Variants in VSIG4 observed in about 807,000 individuals in gnomAD.
The protein encoded by VSIG4 is V-set and immunoglobulin domain containing 4, also known as V-set and immunoglobulin domain-containing protein 4.
In VSIG4, 34 loss-of-function variants were observed where a neutral mutation model predicts 23.4. The ratio of observed to expected loss-of-function variants is 1.45; its 90% CI spans 1.10 to 1.93. VSIG4 has a LOEUF of 1.93. Ranked by LOEUF, VSIG4 falls within the 30% of genes most tolerant of loss-of-function variation. The pLI, the probability that VSIG4 is intolerant of heterozygous loss-of-function variation, is 0.00. For synonymous variants in VSIG4, 169 were observed against 120.3 expected (o/e 1.41, Z -2.65); for missense variants, 433 against 310.8 (o/e 1.39, Z -2.96).
At chrX:66,034,121 A>G (rs2085503589) in intron 1 of VSIG4, among the ~76,000 whole-genome samples, 1 of 112,016 alleles carries the variant, frequency 8.9e-6, no homozygotes, top group Admixed American at 9.4e-5. Context: ...CTTACCGTGG[A>G]AGATTCATTT....
intron 4 of VSIG4, 49 bp from the exon 5 acceptor site, chrX:66,027,575 G>A: frequency 9.7e-7 from 1 of 1,034,050 alleles, no homozygotes; most frequent in Non-Finnish European, 1.3e-6. Context: ...CTTTCAAAAA[G>A]TTGAGAGATA....
intron 1 of VSIG4, among the ~76,000 whole-genome samples, chrX:66,038,467 GCT>G (rs747112398): frequency 8.3e-4 from 78 of 93,920 alleles, no homozygotes; most frequent in African/African-American, 1.3e-3. Context: ...ACACATGAGT[GCT>G]CTCTCTCTCT....
At position 66,021,823 on chromosome X, in the gene VSIG4, C is replaced by T. The variant is rs1379978993; in HGVS notation, c.*440G>A. The stretch of plus-strand genomic sequence containing the variant: ...GTGGAGGAGCAGAACTGAACCCTGG[C>T]CTGTGAAATAACAATTTCAATTAAA... On this transcript the variant is annotated 3_prime_UTR_variant, in exon 8 of 8. Coordinates refer to ENST00000374737, the MANE Select transcript of VSIG4 (RefSeq NM_007268.3). 1 of 265,817 alleles carries T rather than the reference C, an allele frequency of 3.8e-6. No individual in the cohort carries two copies. The highest frequency in any genetic ancestry group is 7.0e-6 in the Non-Finnish European group (1 of 143,119). 21.9% of individuals were successfully genotyped at this position (265,817 alleles called of 1,213,427 possible).
At chrX:66,026,373 C>G (rs1022429631) in intron 5 of VSIG4, among the ~76,000 whole-genome samples, 1 of 111,904 alleles carries the variant, frequency 8.9e-6, no homozygotes, top group Admixed American at 9.5e-5. Context: ...TGAAGAGAGT[C>G]AAGTACTAAA....
chrX:66,037,375 A>T (rs1199978465), intron 1 of VSIG4, among the ~76,000 whole-genome samples: 4 of 18,853 alleles, frequency 2.1e-4, no homozygotes, highest in Non-Finnish European at 2.7e-4. Context: ...ATAATATAAT[A>T]TAATATATAA....
rs147230966 is a variant in VSIG4, at chrX:66,032,837, C to T, written c.413-88G>A. On this transcript the variant is annotated intron_variant, in intron 2 of 7. Transcript: ENST00000374737. Reference sequence around the variant, plus strand: ...GAATCATTCTTGTTGGGCGTAAGGGCATGCATATATCTGCAACTGGAACTA... The same window carrying T: ...GAATCATTCTTGTTGGGCGTAAGGGTATGCATATATCTGCAACTGGAACTA... 3,758 of 975,707 alleles carry T rather than the reference C, an allele frequency of 3.9e-3. 182 individuals are homozygous for T. In the Admixed American group the frequency reaches 0.11, roughly 27 times the overall value. 80.4% of individuals were successfully genotyped at this position (975,707 alleles called of 1,213,427 possible).
chrX:66,035,739 T>A (rs2085530233), intron 1 of VSIG4, among the ~76,000 whole-genome samples: 1 of 112,219 alleles, frequency 8.9e-6, no homozygotes, highest in Non-Finnish European at 1.9e-5. Flanking sequence ...TATCTGAGCC[T>A]CTTGGTTTAA....
At chrX:66,024,560 T>C (rs1478177415) in intron 6 of VSIG4, among the ~76,000 whole-genome samples, 1 of 112,039 alleles carries the variant, frequency 8.9e-6, no homozygotes, top group Non-Finnish European at 1.9e-5. Flanking sequence ...TCTAAGATAT[T>C]CTTCCTTCTG....
rs202152888 is a variant in VSIG4 at position 66,022,328 on chromosome X, G to A, written c.1135C>T (p.Arg379Cys). The change falls in exon 8 of 8, where the codon CGC (arginine) becomes TGC (cysteine). Residue 379 changes from arginine (R) to cysteine (C), a missense_variant. Physicochemically the swap from Arg to Cys is radical, Grantham distance 180. Coordinates refer to ENST00000374737, the MANE Select transcript of VSIG4 (RefSeq NM_007268.3). The part of the protein sequence containing the change: ...IIAQINGNYA[R>C]LLDTVPLDYE... ...TCCAGAGGAACTGTGTCCAGCAGGC[G>A]GGCGTAGTTGCCATTGATCTGGGCG... is the stretch of plus-strand genomic sequence containing the variant. 1.3e-4 allele frequency: 161 copies of A among 1,211,046 alleles called. No individual in the cohort carries two copies. Among genetic ancestry groups the A allele is most frequent in the Middle Eastern group, 6.9e-4 (3 of 4,360 alleles).
At chrX:66,027,152 C>A (rs1206385233) in intron 5 of VSIG4, among the ~76,000 whole-genome samples, 1 of 111,531 alleles carries the variant, frequency 9.0e-6, no homozygotes, top group Non-Finnish European at 1.9e-5. Context: ...ATGTCCCTAT[C>A]CATATTCTTG....
rs368059042 is a variant in VSIG4, at chrX:66,028,131, C to A, written c.695-19G>T. On this transcript the variant is annotated intron_variant, in intron 3 of 7. Transcript: ENST00000374737. Reference sequence around the variant, plus strand: ...GAGGAGTCTGCAAGGAAAAGGGAACCGATTGAAGGGACCTGGTACCCTTTG... The same window carrying A: ...GAGGAGTCTGCAAGGAAAAGGGAACAGATTGAAGGGACCTGGTACCCTTTG... 17 of 1,192,687 alleles carry A rather than the reference C, an allele frequency of 1.4e-5. No individual in the cohort carries two copies. Among genetic ancestry groups the A allele is most frequent in the African/African-American group, 1.0e-4 (6 of 57,338 alleles).
Position 66,022,165 on chromosome X carries a change from G to C in VSIG4, c.*98C>G. ...CCAGTGTTGGTAGGCGGACACTTTGGGCTATCCAGGAAGAGAGGTAGCAGG... is the reference window on the plus strand; with the variant it reads ...CCAGTGTTGGTAGGCGGACACTTTGCGCTATCCAGGAAGAGAGGTAGCAGG... On this transcript the variant is annotated 3_prime_UTR_variant, in exon 8 of 8. Transcript: ENST00000374737. 8.3e-7 allele frequency: 1 copy of C among 1,206,046 alleles called. No individual in the cohort carries two copies. Among genetic ancestry groups the C allele is most frequent in the Non-Finnish European group, 1.1e-6 (1 of 892,620 alleles).
Position 66,033,686 on chromosome X carries a change from A to G in VSIG4, c.200T>C (p.Ile67Thr). Residue 67 changes from isoleucine (I) to threonine (T), a missense_variant, in exon 2 of 8, where the codon ATC becomes ACC. Physicochemically the swap from Ile to Thr is moderately conservative, Grantham distance 89. Transcript: ENST00000374737. ...LVQRGSDPVT[I>T]FLRDSSGDHI... ...GTCTCCAGAAGAGTCACGTAGAAAG[A>G]TGGTGACAGGGTCTGAGCCACGTTG... The G allele has an allele frequency of 8.3e-7, 1 of 1,211,476 alleles. No homozygotes were observed. The highest frequency in any genetic ancestry group is 2.2e-5 in the Admixed American group (1 of 45,977).
chrX:66,039,817 G>C, intron 1 of VSIG4, 127 bp downstream of exon 1: 1 of 757,663 alleles, frequency 1.3e-6, no homozygotes, highest in East Asian at 3.6e-5. Context: ...GAGAGAGCCT[G>C]CAGAGTTTGG....
intron 3 of VSIG4, among the ~76,000 whole-genome samples, chrX:66,028,558 CTTTTTTTTTTTT>C (rs34660062): frequency 0.024 from 1,807 of 74,222 alleles, 22 homozygotes; most frequent in Non-Finnish European, 0.039. Context: ...ACGTAATCAA[CTTTTTTTTTTTT>C]TTTTTTTTTT....
intron 4 of VSIG4, among the ~76,000 whole-genome samples, chrX:66,027,828 A>T (rs1156443030): frequency 8.9e-6 from 1 of 112,275 alleles, no homozygotes; most frequent in African/African-American, 3.2e-5. Context: ...AATGGGAGTA[A>T]TTCTAACCCT....
At chrX:66,027,853 C>T (rs930707295) in intron 4 of VSIG4, among the ~76,000 whole-genome samples, 197 bp downstream of exon 4, 11 of 112,036 alleles carry the variant, frequency 9.8e-5, no homozygotes, top group African/African-American at 3.6e-4. Flanking sequence ...TTCCTTTTGC[C>T]TCAGAAGTTT....
At chrX:66,037,549 T>C (rs1262493758) in intron 1 of VSIG4, among the ~76,000 whole-genome samples, 1 of 26,118 alleles carries the variant, frequency 3.8e-5, no homozygotes, top group Non-Finnish European at 6.6e-5. Flanking sequence ...TATATTATAT[T>C]ATATTATATA....
chrX:66,030,337 T>A (rs1438077458), intron 3 of VSIG4, among the ~76,000 whole-genome samples: 1 of 111,514 alleles, frequency 9.0e-6, no homozygotes, highest in Non-Finnish European at 1.9e-5. Flanking sequence ...GTAGTGAACA[T>A]AGGAGAGATG....
Sources: gnomAD v4.1 joint callset for allele counts (sites outside exome capture counted in the v4.1 genomes callset) on GRCh38, gnomAD v4.1.1 for gene constraint, MANE v1.5 for transcripts, NCBI Gene and HGNC (gene_info 2026-07-23, HGNC 2026-07-21) for gene names.